SCFD2: variants seen among roughly 807,000 people sequenced by gnomAD.
SCFD2 encodes the protein sec1 family domain containing 2.
In SCFD2, 54 loss-of-function variants were observed where a neutral mutation model predicts 58.9. That is an observed-to-expected ratio of 0.92 (90% CI 0.74 to 1.15). SCFD2 has a LOEUF of 1.15. SCFD2 is among the 50% of genes most tolerant of loss of function. The pLI is 0.00. For synonymous variants in SCFD2, 321 were observed against 335.9 expected, an observed-to-expected ratio of 0.96 and a Z score of 0.49; for missense variants, 805 against 836.6, an observed-to-expected ratio of 0.96 and a Z score of 0.47.
intron 5 of SCFD2, among the ~76,000 whole-genome samples, chr4:52,971,117 C>A (rs138245874): frequency 5.3e-4 from 81 of 152,332 alleles, no homozygotes; most frequent in African/African-American, 1.9e-3. Flanking sequence ...CACCTCTCCT[C>A]CTCCAAAGGA....
intron 5 of SCFD2, among the ~76,000 whole-genome samples, chr4:53,007,361 GAGA>G (rs1721998224): frequency 1.3e-5 from 1 of 74,706 alleles, no homozygotes; most frequent in Non-Finnish European, 2.7e-5. Flanking sequence ...AGAAAAGAAA[GAGA>G]GAAAGAAGGA....
intron 4 of SCFD2, among the ~76,000 whole-genome samples, chr4:53,267,059 C>T (rs1731010225): frequency 1.3e-5 from 2 of 152,184 alleles, no homozygotes; most frequent in Admixed American, 1.3e-4. Context: ...AGAAGAAATG[C>T]AGTAACCTAT....
At chr4:53,144,547 TAA>T (rs1491266491) in intron 5 of SCFD2, among the ~76,000 whole-genome samples, 1 of 147,732 alleles carries the variant, frequency 6.8e-6, no homozygotes, top group East Asian at 2.0e-4. Context: ...TTTTTATATA[TAA>T]TATATATATA....
chr4:53,269,342 A>G (rs1731090367), intron 4 of SCFD2, among the ~76,000 whole-genome samples: 2 of 152,086 alleles, frequency 1.3e-5, no homozygotes, highest in African/African-American at 4.8e-5. Flanking sequence ...TTAAAAAAGA[A>G]CTATGAAAGT....
chr4:53,009,758 C>T (rs6855135), intron 5 of SCFD2, among the ~76,000 whole-genome samples: 2,449 of 152,264 alleles, frequency 0.016, 72 homozygotes, highest in African/African-American at 0.056. Context: ...ACTATCACCC[C>T]CTGCTTCCCT....
chr4:53,000,578 C>T (rs551593660), intron 5 of SCFD2, among the ~76,000 whole-genome samples: 1 of 152,326 alleles, frequency 6.6e-6, no homozygotes, highest in South Asian at 2.1e-4. Flanking sequence ...GATCCATAAG[C>T]TGAGTCCTGA....
Position 53,365,618 on chromosome 4 carries a change from G to A in SCFD2, c.324C>T (p.Ser108=). The A allele has an allele frequency of 6.2e-7, 1 of 1,614,228 alleles. No individual in the cohort carries two copies. The highest frequency in any genetic ancestry group is 1.1e-5 in the South Asian group (1 of 91,088). ...FQYCVVVTTV[S]HAVHLTANHV... is the part of the protein sequence containing the mutation. ...GATTAGCTGTGAGGTGGACAGCGTG[G>A]CTCACGGTTGTGACCACCACACAAT... The change falls in exon 1 of 9, where the codon AGC becomes AGT. Residue 108 remains serine, a synonymous_variant. Transcript: ENST00000401642. This position sits in a 1 kb window ranked among gnomAD's most constrained non-coding sequence, Gnocchi z 4.3.
intron 5 of SCFD2, among the ~76,000 whole-genome samples, chr4:53,117,131 G>A (rs1351876562): frequency 6.6e-6 from 1 of 152,160 alleles, no homozygotes; most frequent in African/African-American, 2.4e-5. Context: ...ATGGAAACTT[G>A]AGGGAATTCC....
At chr4:52,901,945 C>T (rs911456235) in intron 7 of SCFD2, among the ~76,000 whole-genome samples, 5 of 152,142 alleles carry the variant, frequency 3.3e-5, no homozygotes, top group Admixed American at 1.3e-4. Flanking sequence ...TCGCTGCCTG[C>T]AAAAATGTAC....
chr4:53,095,116 TTCTC>T (rs1426817548), intron 5 of SCFD2, among the ~76,000 whole-genome samples: 4 of 152,156 alleles, frequency 2.6e-5, no homozygotes, highest in Non-Finnish European at 5.9e-5. Flanking sequence ...ACTTCTTTCT[TTCTC>T]TAACTATACT....
intron 5 of SCFD2, among the ~76,000 whole-genome samples, chr4:53,079,501 A>T (rs543345031): frequency 1.3e-5 from 2 of 152,348 alleles, no homozygotes; most frequent in African/African-American, 4.8e-5. Context: ...GTGTAAATCA[A>T]CGAAGAACAT....
chr4:53,258,666 T>C (rs1211955453), intron 4 of SCFD2, among the ~76,000 whole-genome samples: 1 of 151,084 alleles, frequency 6.6e-6, no homozygotes, highest in East Asian at 2.0e-4. Flanking sequence ...CAACTGCAAA[T>C]TGTGCTGCTA....
chr4:53,262,245 T>G (rs1730851372), intron 4 of SCFD2, among the ~76,000 whole-genome samples: 2 of 152,188 alleles, frequency 1.3e-5, no homozygotes, highest in East Asian at 3.9e-4. Flanking sequence ...TTAGGCCATT[T>G]TCATTCAATG....
At position 52,901,721 on chromosome 4, in the gene SCFD2, A is replaced by G. The variant is rs60421160; in HGVS notation, c.1842+5736T>C. 2.9e-3 allele frequency among the ~76,000 whole-genome samples: 441 copies of G among 152,338 alleles called. 2 individuals carry two copies. The highest frequency in any genetic ancestry group is 0.01 in the African/African-American group (417 of 41,582). The stretch of plus-strand genomic sequence containing the variant: ...ACTTGTTATGTAGCAATAGATAAGC[A>G]GAACAGGTGGAGATGAAAGGCTTCT... On this transcript the variant is annotated intron_variant, in intron 7 of 8. Coordinates refer to ENST00000401642, the MANE Select transcript of SCFD2 (RefSeq NM_152540.4).
intron 4 of SCFD2, among the ~76,000 whole-genome samples, chr4:53,239,377 G>A (rs1729810436): frequency 6.7e-6 from 1 of 149,432 alleles, no homozygotes; most frequent in Non-Finnish European, 1.5e-5. Context: ...AAGAGAGGGA[G>A]AGGGAGACCG....
At chr4:53,267,680 G>A (rs1266102414) in intron 4 of SCFD2, among the ~76,000 whole-genome samples, 4 of 152,102 alleles carry the variant, frequency 2.6e-5, no homozygotes, top group East Asian at 3.9e-4. Context: ...TCCTGACTTC[G>A]AGTAATCCTC....
At chr4:53,037,286 A>G (rs760469993) in intron 5 of SCFD2, among the ~76,000 whole-genome samples, 1 of 152,186 alleles carries the variant, frequency 6.6e-6, no homozygotes, top group African/African-American at 2.4e-5. Context: ...CATTTTAAGG[A>G]CTATATGAAC....
At position 53,128,049 on chromosome 4, in the gene SCFD2, T is replaced by TA. The variant is rs34739040; in HGVS notation, c.1561+17283dup. 8.3e-3 allele frequency among the ~76,000 whole-genome samples: 927 copies of TA among 111,320 alleles called. 7 individuals carry two copies. Among genetic ancestry groups the TA allele is most frequent in the Non-Finnish European group, 0.012 (679 of 56,230 alleles). The allele number at this position is 111,320 out of a possible 152,430, so 73.0% of individuals were successfully genotyped here. ...AAATTGCAGAACAAGGGCCATGTCC[T>TA]AAAAAAAAAAAAAAAAAAAAGCCAA... On this transcript the variant is annotated intron_variant, in intron 5 of 8. Transcript: ENST00000401642.
chr4:52,881,534 G>C (rs770361950), intron 8 of SCFD2, among the ~76,000 whole-genome samples: 3 of 152,182 alleles, frequency 2.0e-5, no homozygotes, highest in Non-Finnish European at 4.4e-5. Flanking sequence ...ACAATGCCTG[G>C]CACAGAGCAG....
Sources: gnomAD v4.1 joint callset for allele counts (sites outside exome capture counted in the v4.1 genomes callset) on GRCh38, gnomAD v4.1.1 for gene constraint, Gnocchi (gnomAD v3.1) non-coding constraint, MANE v1.5 for transcripts, NCBI Gene and HGNC (gene_info 2026-07-23, HGNC 2026-07-21) for gene names.